ATG16L2: variants seen among roughly 807,000 people sequenced by gnomAD.
ATG16L2 encodes the protein protein Atg16l2.
A neutral mutation model predicts 84.7 loss-of-function variants in ATG16L2; 77 were observed. That is an observed-to-expected ratio of 0.91 (90% confidence interval 0.76 to 1.10). The LOEUF is 1.10. ATG16L2 is among the 50% of genes least tolerant of loss of function. The probability of loss-of-function intolerance (pLI) is 0.00; values close to 1 mark genes in which losing one functional copy is unlikely to be tolerated. For synonymous variants in ATG16L2, 361 were observed against 342.8 expected, an observed-to-expected ratio of 1.05 and a Z score of -0.59; for missense variants, 782 against 817.6, an observed-to-expected ratio of 0.96 and a Z score of 0.53.
In ATG16L2 at chr11:72,825,356, C is replaced by T. The variant is rs1187135397; in HGVS notation, c.1051C>T (p.Leu351=). ...AVRFGPNSSL[L]ATGGADRLIH... ...TCGTTTTGGCCCCAACAGCAGCCTC[C>T]TGGCCACTGGAGGGGCTGACCGCCT... The change falls in exon 10 of 18, where the codon CTG becomes TTG. Residue 351 remains leucine (L), a synonymous_variant. Transcript: ENST00000321297. 1.2e-6 allele frequency: 2 copies of T among 1,613,548 alleles called. No individual in the cohort carries two copies. Among genetic ancestry groups the T allele is most frequent in the Admixed American group, 1.7e-5 (1 of 60,014 alleles).
intron 5 of ATG16L2, chr11:72,838,776 T>A (rs770515748): frequency 6.3e-7 from 1 of 1,587,922 alleles, no homozygotes; most frequent in Non-Finnish European, 8.6e-7. Flanking sequence ...CAGTAATGGA[T>A]GGGCAAGCCC....
rs761876318 is a variant in ATG16L2, at chr11:72,817,723, G to T, written c.219-33G>T. 3 of 1,608,406 alleles carry T rather than the reference G, an allele frequency of 1.9e-6. No individual in the cohort carries two copies. The South Asian group carries it at 3.3e-5, about 18-fold the overall frequency. ...GCCTTTGGGCACTTGGGTGAACCGG[G>T]GGACATTGAGCACCACTCTGATTGG... is the stretch of plus-strand genomic sequence containing the variant. On this transcript the variant is annotated intron_variant, in intron 2 of 17. Coordinates refer to ENST00000321297, the MANE Select transcript of ATG16L2 (RefSeq NM_033388.2).
intron 1 of ATG16L2, among the ~76,000 whole-genome samples, 177 bp from the exon 2 acceptor site, chr11:72,816,551 G>T (rs1430318942): frequency 6.6e-6 from 1 of 152,232 alleles, no homozygotes; most frequent in Non-Finnish European, 1.5e-5. Flanking sequence ...AGGGCTGAAG[G>T]TCCTGTAGAA....
intron 1 of ATG16L2, chr11:72,816,380 G>A: frequency 4.9e-6 from 1 of 203,722 alleles, no homozygotes; most frequent in Non-Finnish European, 1.0e-5. Flanking sequence ...TCACTTTCTG[G>A]GGCTAAGCCT....
At position 72,819,398 on chromosome 11, in the gene ATG16L2, TATTTTA is replaced by T. The variant is rs1859853559; in HGVS notation, c.318+1547_318+1552del. Reference sequence around the variant, plus strand: ...TCTCCATACAGCTTTCAGAGTGACATATTTTAATTAAAAAAAAAGAAAGATCTCCAT... The same window carrying T: ...TCTCCATACAGCTTTCAGAGTGACATATTAAAAAAAAAGAAAGATCTCCAT... On this transcript the variant is annotated intron_variant, in intron 3 of 17. Transcript: ENST00000321297. Among the ~76,000 whole-genome samples the T allele has an allele frequency of 1.3e-5, 2 of 151,954 alleles. 1 individual carries two copies. Among genetic ancestry groups the T allele is most frequent in the South Asian group, 4.1e-4 (2 of 4,820 alleles).
chr11:72,824,918 G>A, intron 9 of ATG16L2, 76 bp downstream of exon 9: 1 of 1,308,830 alleles, frequency 7.6e-7, no homozygotes, highest in Non-Finnish European at 1.0e-6. Context: ...CGGCACCAGG[G>A]GTGGTCCCAA....
At chr11:72,842,027 G>A (rs1860970545) in intron 5 of ATG16L2, among the ~76,000 whole-genome samples, 3 of 152,138 alleles carry the variant, frequency 2.0e-5, no homozygotes, top group Non-Finnish European at 2.9e-5. Context: ...AAACAAGATC[G>A]GCAAACACGT....
At chr11:72,838,917 C>G (rs745310383) in intron 5 of ATG16L2, 5 of 1,545,344 alleles carry the variant, frequency 3.2e-6, no homozygotes, top group Non-Finnish European at 4.4e-6. Context: ...CAGTTCCTGA[C>G]TCAGTATCTG....
At chr11:72,818,112 A>G (rs1859794110) in intron 3 of ATG16L2, 2 of 504,566 alleles carry the variant, frequency 4.0e-6, no homozygotes, top group Admixed American at 3.4e-5. Flanking sequence ...TCCCTTCCAC[A>G]TGGTTTAGCC....
chr11:72,837,069 T>C (rs1860750439), intron 5 of ATG16L2: 1 of 152,178 alleles, frequency 6.6e-6, no homozygotes, highest in African/African-American at 2.4e-5. Context: ...CAAGACTGGG[T>C]GGCAAGAACT....
At chr11:72,815,933 T>C (rs1474038422) in intron 1 of ATG16L2, 2 of 152,188 alleles carry the variant, frequency 1.3e-5, no homozygotes, top group Non-Finnish European at 2.9e-5. Flanking sequence ...CTTTCTATTC[T>C]GGCCTGGGGG....
chr11:72,838,540 T>A, intron 5 of ATG16L2: 1 of 536,388 alleles, frequency 1.9e-6, no homozygotes, highest in Non-Finnish European at 3.4e-6. Flanking sequence ...GCTGCCCCCC[T>A]CTTTGCTCCT....
Position 72,824,078 on chromosome 11 carries a change from C to G in ATG16L2, c.843C>G (p.Ser281=), listed in dbSNP as rs372293223. 6.0e-5 allele frequency: 97 copies of G among 1,614,098 alleles called. No individual in the cohort carries two copies. The South Asian group carries it at 8.8e-4, about 15-fold the overall frequency. Residue 281 remains serine, a synonymous_variant, in exon 8 of 18, where the codon TCC becomes TCG. Coordinates refer to ENST00000321297, the MANE Select transcript of ATG16L2 (RefSeq NM_033388.2). ...GTCTCAGGTCTGCCTCAGCCACCTC[C>G]CTGACGCTGTCCCACTGTGTGGATG... is the stretch of plus-strand genomic sequence containing the variant. ...KRPFRSASAT[S]LTLSHCVDVV...
chr11:72,829,713 G>T (rs1860563423), downstream of ATG16L2: 1 of 955,406 alleles, frequency 1.0e-6, no homozygotes, highest in African/African-American at 1.7e-5. Flanking sequence ...TCCAGGCTTG[G>T]CCCCCTTCCT....
In ATG16L2 at chr11:72,822,215, G is replaced by A. The variant is rs761707500; in HGVS notation, c.564G>A (p.Ala188=). Residue 188 remains alanine, a synonymous_variant, in exon 5 of 18, where the codon GCG becomes GCA. Coordinates refer to ENST00000321297, the MANE Select transcript of ATG16L2 (RefSeq NM_033388.2). This position sits in a 1 kb window ranked among gnomAD's most constrained non-coding sequence, Gnocchi z 4.2. ...CACTGCGCAGGCTCCAGGAAGAGGC[G>A]CGCGACCTGCTGGAGAGGCTCGTGC... ...EAALRRLQEE[A]RDLLERLVQR... The A allele has an allele frequency of 1.2e-5, 18 of 1,505,260 alleles. No individual in the cohort carries two copies. The South Asian group carries it at 1.6e-4, about 13-fold the overall frequency. 93.2% of individuals were successfully genotyped at this position (1,505,260 alleles called of 1,614,324 possible). A position where few individuals can be genotyped will look rare whatever the true frequency, so the allele number is the denominator to read the frequency against.
At chr11:72,830,612 G>C (rs2135130466), downstream of ATG16L2, among the ~76,000 whole-genome samples, 1 of 152,312 alleles carries the variant, frequency 6.6e-6, no homozygotes, top group South Asian at 2.1e-4. Flanking sequence ...TGGGATTACA[G>C]GTGCACAGCA....
At position 72,829,387 on chromosome 11, in the gene ATG16L2, G is replaced by A. The variant is rs770335519; in HGVS notation, c.1857G>A (p.Gln619=). Residue 619 remains glutamine (Q), a synonymous_variant, in exon 18 of 18, where the codon CAG becomes CAA. Transcript: ENST00000321297. ...VDQGRKVVLW[Q] Reference sequence around the variant, plus strand: ...AGGGCAGGAAGGTTGTGCTCTGGCAGTAGGGCCACGACCTGCCTGCCTGGG... The same window carrying A: ...AGGGCAGGAAGGTTGTGCTCTGGCAATAGGGCCACGACCTGCCTGCCTGGG... 6.2e-7 allele frequency: 1 copy of A among 1,610,774 alleles called. No individual in the cohort carries two copies. Among genetic ancestry groups the A allele is most frequent in the Non-Finnish European group, 8.5e-7 (1 of 1,178,926 alleles).
intron 10 of ATG16L2, 48 bp downstream of exon 10, chr11:72,825,455 C>G: frequency 7.1e-7 from 1 of 1,399,758 alleles, no homozygotes; most frequent in East Asian, 2.3e-5. Context: ...TCTCCAGACC[C>G]TCTCCTCAGC....
chr11:72,820,495 C>A (rs757895538), intron 3 of ATG16L2, among the ~76,000 whole-genome samples: 2 of 152,146 alleles, frequency 1.3e-5, no homozygotes, highest in African/African-American at 4.8e-5. Flanking sequence ...TAAATGAAAG[C>A]AAGTGACAAG....
Sources: allele counts gnomAD v4.1 joint callset (sites outside exome capture counted in the v4.1 genomes callset), GRCh38; gene constraint gnomAD v4.1.1; non-coding constraint Gnocchi (gnomAD v3.1); transcripts MANE v1.5; gene names NCBI Gene and HGNC (gene_info 2026-07-23, HGNC 2026-07-21).